DENND5B: variants seen among roughly 807,000 people sequenced by gnomAD.
The protein encoded by DENND5B is DENN domain-containing protein 5B.
Under a neutral mutation model 140.6 loss-of-function variants are expected in DENND5B, and 34 were observed. The observed-to-expected ratio is 0.24, with a 90% CI of 0.18 to 0.32. The LOEUF (loss-of-function observed/expected upper bound fraction) is 0.32, where lower values mean the gene tolerates loss of function less well. DENND5B is among the 10% of genes least tolerant of loss of function. The pLI, the probability that DENND5B is intolerant of heterozygous loss-of-function variation, is 1.00. For missense variants in DENND5B, 1,142 were observed against 1,560.2 expected, an observed-to-expected ratio of 0.73 and a Z score of 4.52; for synonymous variants, 551 against 562.1, an observed-to-expected ratio of 0.98 and a Z score of 0.28.
chr12:31,416,944 A>T (rs1458420359), intron 11 of DENND5B, among the ~76,000 whole-genome samples: 2 of 140,424 alleles, frequency 1.4e-5, no homozygotes, highest in Non-Finnish European at 3.0e-5. Context: ...TTTTTAAATC[A>T]GCTGAGCATG....
chr12:31,574,050 G>A (rs1949915441), intron 1 of DENND5B, among the ~76,000 whole-genome samples: 1 of 151,246 alleles, frequency 6.6e-6, no homozygotes, highest in Non-Finnish European at 1.5e-5. Flanking sequence ...TTGAGGCAAG[G>A]ACCATTTGAG....
chr12:31,505,688 G>C (rs1947170736), intron 1 of DENND5B, among the ~76,000 whole-genome samples: 1 of 152,132 alleles, frequency 6.6e-6, no homozygotes, highest in African/African-American at 2.4e-5. Context: ...CAGCAAACTT[G>C]AAGGTCTAGG....
intron 1 of DENND5B, among the ~76,000 whole-genome samples, chr12:31,577,710 C>CAAA (rs35015214): frequency 2.8e-5 from 2 of 70,504 alleles, no homozygotes; most frequent in Non-Finnish European, 5.2e-5. Flanking sequence ...GACTCTGTCT[C>CAAA]AAAAAAAAAA....
At chr12:31,512,328 C>T (rs535800532) in intron 1 of DENND5B, among the ~76,000 whole-genome samples, 3 of 151,248 alleles carry the variant, frequency 2.0e-5, no homozygotes, top group Admixed American at 1.3e-4. Context: ...GCGACCCTCC[C>T]ACCTCAGCCT....
intron 19 of DENND5B, 115 bp downstream of exon 19, chr12:31,392,151 AG>A (rs1941182249): frequency 4.5e-6 from 5 of 1,105,736 alleles, no homozygotes; most frequent in East Asian, 3.1e-5. Context: ...AAAAAAAAAA[AG>A]AAAAAAAATA....
chr12:31,415,915 AACCTCC>A (rs1456203800), intron 11 of DENND5B, among the ~76,000 whole-genome samples: 1 of 151,404 alleles, frequency 6.6e-6, no homozygotes, highest in African/African-American at 2.4e-5. Flanking sequence ...AGCTCACCGC[AACCTCC>A]ACCTCCCAGG....
chr12:31,402,588 G>A lies in DENND5B; in HGVS notation c.2859C>T (p.Ile953=). 1.2e-6 allele frequency: 2 copies of A among 1,613,790 alleles called. No homozygotes were observed. The highest frequency in any genetic ancestry group is 1.7e-6 in the Non-Finnish European group (2 of 1,179,782). ...ATACACAGATCCAAGGGTTTGATGT[G>A]ATTATTGCATTGCTCAGCTTTTTGA... ...IPIKKLSNAI[I]TSNPWICVSG... The change falls in exon 15 of 21, where the codon ATC becomes ATT. Residue 953 remains isoleucine, a synonymous_variant. Coordinates refer to ENST00000389082, the MANE Select transcript of DENND5B (RefSeq NM_144973.4).
rs1043642415 is a variant in DENND5B at position 31,383,108 on chromosome 12, TAA to T, written c.*4493_*4494del. ...GTGTTAATACTGAAATATAAATAGC[TAA>T]AGTTCAGATTGTCTTTTCAACATAG... On this transcript the variant is annotated 3_prime_UTR_variant, in exon 21 of 21. Coordinates refer to ENST00000389082, the MANE Select transcript of DENND5B (RefSeq NM_144973.4). The T allele has an allele frequency of 2.6e-5, 4 of 152,128 alleles. No individual in the cohort carries two copies. Among genetic ancestry groups the T allele is most frequent in the African/African-American group, 9.7e-5 (4 of 41,446 alleles). 9.4% of individuals were successfully genotyped at this position (152,128 alleles called of 1,614,324 possible). A position where few individuals can be genotyped will look rare whatever the true frequency, so the allele number is the denominator to read the frequency against.
intron 2 of DENND5B, among the ~76,000 whole-genome samples, chr12:31,486,199 G>T (rs1031591314): frequency 4.6e-5 from 7 of 152,208 alleles, no homozygotes; most frequent in African/African-American, 1.4e-4. Flanking sequence ...CTGCCCTCAT[G>T]AAAGGATTCG....
chr12:31,388,767 GAGA>G lies in DENND5B; in HGVS notation c.3641+554_3641+556del, dbSNP rs548206768. Among the ~76,000 whole-genome samples, 552 of 152,288 alleles carry G rather than the reference GAGA, an allele frequency of 3.6e-3. 2 individuals carry two copies. The highest frequency in any genetic ancestry group is 6.8e-3 in the Middle Eastern group (2 of 294). ...TAAAGGGGTAGGAAATAGTCTTAAA[GAGA>G]AGATGATATTTATATAGCAAGAATC... On this transcript the variant is annotated intron_variant, in intron 20 of 20. Coordinates refer to ENST00000389082, the MANE Select transcript of DENND5B (RefSeq NM_144973.4).
chr12:31,474,026 C>A (rs939804325), intron 3 of DENND5B, among the ~76,000 whole-genome samples: 1 of 152,188 alleles, frequency 6.6e-6, no homozygotes, highest in South Asian at 2.1e-4. Context: ...ACTATGATGT[C>A]CACTTGAGCA....
At position 31,413,546 on chromosome 12, in the gene DENND5B, A is replaced by G. The variant is rs754493467; in HGVS notation, c.2571T>C (p.Ser857=). The change falls in exon 13 of 21, where the codon AGT becomes AGC. Residue 857 remains serine (S), a synonymous_variant. Coordinates refer to ENST00000389082, the MANE Select transcript of DENND5B (RefSeq NM_144973.4). Reference sequence around the variant, plus strand: ...CTCGTCCAACATCAGTCTTGATCTCACTCATGTTTTGAATATGCCTAAAGA... The same window carrying G: ...CTCGTCCAACATCAGTCTTGATCTCGCTCATGTTTTGAATATGCCTAAAGA... ...IQDMRHIQNM[S]EIKTDVGRAR... 2.0e-5 allele frequency: 33 copies of G among 1,612,492 alleles called. No homozygotes were observed. Among genetic ancestry groups the G allele is most frequent in the Non-Finnish European group, 2.7e-5 (32 of 1,179,116 alleles).
At chr12:31,469,346 A>AG (rs1555156513) in intron 3 of DENND5B, among the ~76,000 whole-genome samples, 8 of 130,224 alleles carry the variant, frequency 6.1e-5, no homozygotes, top group South Asian at 2.6e-4. Context: ...AAAAAAAAAA[A>AG]AAGAAGAAGA....
intron 4 of DENND5B, among the ~76,000 whole-genome samples, chr12:31,456,329 CAAAAA>C (rs56369582): frequency 8.2e-5 from 10 of 121,636 alleles, no homozygotes; most frequent in South Asian, 2.7e-4. Context: ...GACTCCGTCT[CAAAAA>C]AAAAAAAAAA....
chr12:31,468,153 T>C (rs551296063), intron 3 of DENND5B, among the ~76,000 whole-genome samples: 2 of 151,432 alleles, frequency 1.3e-5, no homozygotes, highest in South Asian at 2.1e-4. Context: ...ACAAGGGAGG[T>C]TGAGGTGGGA....
chr12:31,577,791 G>A (rs3887250), intron 1 of DENND5B, among the ~76,000 whole-genome samples: 63,984 of 149,606 alleles, frequency 0.43, 14,219 homozygotes, highest in East Asian at 0.59. Flanking sequence ...CTATATTTAA[G>A]GATTCAGCAC....
rs572428807 is a variant in DENND5B at position 31,495,819 on chromosome 12, C to A, written c.228G>T (p.Ala76=). 1 of 1,607,328 alleles carries A rather than the reference C, an allele frequency of 6.2e-7. No individual in the cohort carries two copies. ...NIEWNPFDQD[A]VNMLCMPKGL... ...GAAAAAAAACACATACCATGTTCAC[C>A]GCATCTTGATCAAAAGGGTTCCATT... Residue 76 remains alanine (A), a synonymous_variant, in exon 2 of 21, where the codon GCG becomes GCT. Coordinates refer to ENST00000389082, the MANE Select transcript of DENND5B (RefSeq NM_144973.4).
intron 7 of DENND5B, among the ~76,000 whole-genome samples, chr12:31,440,480 A>G (rs1043821853): frequency 3.9e-5 from 6 of 152,252 alleles, no homozygotes; most frequent in Non-Finnish European, 2.9e-5. Context: ...TGTAAGCAGC[A>G]TATTAAATGC....
In DENND5B at chr12:31,447,591, G is replaced by A; in HGVS notation, c.1808C>T (p.Ala603Val). 2.5e-6 allele frequency: 4 copies of A among 1,613,958 alleles called. No individual in the cohort carries two copies. Among genetic ancestry groups the A allele is most frequent in the Non-Finnish European group, 3.4e-6 (4 of 1,179,888 alleles). Residue 603 changes from alanine (A) to valine (V), a missense_variant, in exon 6 of 21, where the codon GCA (alanine) becomes GTA (valine). Coordinates refer to ENST00000389082, the MANE Select transcript of DENND5B (RefSeq NM_144973.4). ...ATATATAGATGTCCGCAAGGTGGGT[G>A]CCCTTACATTATACAGCCTTATCTT... ...IDKIRLYNVR[A>V]PTLRTSIYQK... is the part of the protein sequence containing the mutation.
Sources: gnomAD v4.1 joint callset for allele counts (sites outside exome capture counted in the v4.1 genomes callset) on GRCh38, gnomAD v4.1.1 for gene constraint, MANE v1.5 for transcripts, NCBI Gene and HGNC (gene_info 2026-07-23, HGNC 2026-07-21) for gene names.